PRKCZ: variants seen among roughly 807,000 people sequenced by gnomAD.
PRKCZ encodes the protein protein kinase C zeta.
In PRKCZ, 33 loss-of-function variants were observed where a neutral mutation model predicts 79.5. The ratio of observed to expected loss-of-function variants is 0.41; its 90% CI spans 0.31 to 0.55. PRKCZ has a LOEUF of 0.55. Ranked by LOEUF, PRKCZ falls within the 20% of genes least tolerant of loss-of-function variation. The pLI, the probability that PRKCZ is intolerant of heterozygous loss-of-function variation, is 0.19. For synonymous variants in PRKCZ, 342 were observed against 320.9 expected, an observed-to-expected ratio of 1.07 and a Z score of -0.70; for missense variants, 578 against 813.5, an observed-to-expected ratio of 0.71 and a Z score of 3.52.
intron 8 of PRKCZ, among the ~76,000 whole-genome samples, chr1:2,150,265 C>G (rs113720575): frequency 6.6e-6 from 1 of 152,084 alleles, no homozygotes; most frequent in Non-Finnish European, 1.5e-5. Context: ...GTGTAGCTTG[C>G]GGGAGGCAGA....
At chr1:2,086,787 A>C (rs1286397050) in intron 4 of PRKCZ, among the ~76,000 whole-genome samples, 5 of 152,158 alleles carry the variant, frequency 3.3e-5, no homozygotes, top group South Asian at 4.1e-4. Flanking sequence ...TGGGGTCTCC[A>C]TCTGCACAGC....
intron 10 of PRKCZ, among the ~76,000 whole-genome samples, chr1:2,164,641 C>G (rs1682978656): frequency 6.6e-6 from 1 of 152,222 alleles, no homozygotes. Flanking sequence ...TGAGCGTTCC[C>G]TGCACACTCT....
At chr1:2,055,848 C>T (rs762550469) in intron 2 of PRKCZ, 12 of 349,450 alleles carry the variant, frequency 3.4e-5, no homozygotes, top group Non-Finnish European at 3.6e-5. Context: ...CTTCCTCTGA[C>T]CTCCTTTCTC....
intron 4 of PRKCZ, among the ~76,000 whole-genome samples, chr1:2,118,711 C>CTG (rs1489236346): frequency 4.4e-4 from 29 of 66,176 alleles, no homozygotes; most frequent in South Asian, 3.6e-3. Context: ...ACCACACCAG[C>CTG]TCTGTGTGTG....
chr1:2,168,816 CAG>C lies in PRKCZ; in HGVS notation c.975-701_975-700del. The C allele has an allele frequency of 5.0e-6, 1 of 198,202 alleles. No homozygotes were observed. The highest frequency in any genetic ancestry group is 2.3e-5 in the African/African-American group (1 of 42,730). The allele number at this position is 198,202 out of a possible 1,614,324, so 12.3% of individuals were successfully genotyped here. On this transcript the variant is annotated intron_variant, in intron 10 of 17. Coordinates refer to ENST00000378567, the MANE Select transcript of PRKCZ (RefSeq NM_002744.6). This position sits in a 1 kb window ranked among gnomAD's most constrained non-coding sequence, Gnocchi z 4.7. Reference sequence around the variant, plus strand: ...GCCGCTGACCTAAAAAAACCCGCCACAGGGTATTTCTGGGAGATTGTATGAGA... The same window carrying C: ...GCCGCTGACCTAAAAAAACCCGCCACGGTATTTCTGGGAGATTGTATGAGA...
At position 2,169,583 on chromosome 1, in the gene PRKCZ, A is replaced by T; in HGVS notation, c.1040A>T (p.Lys347Met). The change falls in exon 11 of 18, where the codon AAG (lysine) becomes ATG (methionine). Residue 347 changes from lysine (K) to methionine (M), a missense_variant. Coordinates refer to ENST00000378567, the MANE Select transcript of PRKCZ (RefSeq NM_002744.6). ...ATGTTCCACATGCAGAGGCAGAGGA[A>T]GCTCCCTGAGGAGCACGCCAGGTGG... ...DLMFHMQRQR[K>M]LPEEHARFYA... 1 of 1,510,594 alleles carries T rather than the reference A, an allele frequency of 6.6e-7. No homozygotes were observed. The highest frequency in any genetic ancestry group is 8.9e-7 in the Non-Finnish European group (1 of 1,120,324). 93.6% of individuals were successfully genotyped at this position (1,510,594 alleles called of 1,614,324 possible).
At chr1:2,138,984 G>T (rs899091749) in intron 5 of PRKCZ, among the ~76,000 whole-genome samples, 6 of 150,634 alleles carry the variant, frequency 4.0e-5, no homozygotes, top group African/African-American at 1.5e-4. Context: ...CGGGCAGTGA[G>T]GACCAGAGGG....
intron 10 of PRKCZ, among the ~76,000 whole-genome samples, chr1:2,160,626 T>A (rs769177918): frequency 6.6e-6 from 1 of 151,992 alleles, no homozygotes; most frequent in Non-Finnish European, 1.5e-5. Context: ...GGGCAGGCAC[T>A]CGTGTGAGGA....
At chr1:2,115,230 A>G (rs1296975962) in intron 4 of PRKCZ, among the ~76,000 whole-genome samples, 3 of 152,190 alleles carry the variant, frequency 2.0e-5, no homozygotes, top group African/African-American at 7.2e-5. Flanking sequence ...GTCCGTCCCC[A>G]CTGCGGGGCT....
At position 2,094,509 on chromosome 1, in the gene PRKCZ, C is replaced by T. The variant is rs1435112705; in HGVS notation, c.334+34918C>T. 2.1e-5 allele frequency among the ~76,000 whole-genome samples: 3 copies of T among 142,898 alleles called. No individual in the cohort carries two copies. The highest frequency in any genetic ancestry group is 3.0e-5 in the Non-Finnish European group (2 of 65,968). The allele number at this position is 142,898 out of a possible 152,430, so 93.7% of individuals were successfully genotyped here. A position where few individuals can be genotyped will look rare whatever the true frequency, so the allele number is the denominator to read the frequency against. ...TCTGAGGCGCCCTCTGTGCCCGGCTCGTTGAACCTTGGGCGCTGCCCGTTC... is the reference window on the plus strand; with the variant it reads ...TCTGAGGCGCCCTCTGTGCCCGGCTTGTTGAACCTTGGGCGCTGCCCGTTC... On this transcript the variant is annotated intron_variant, in intron 4 of 17. Transcript: ENST00000378567. The surrounding 1 kb of genome is among the most constrained non-coding windows in gnomAD (Gnocchi z 7.3).
At chr1:2,130,810 C>T (rs926003787) in intron 4 of PRKCZ, among the ~76,000 whole-genome samples, 23 of 152,176 alleles carry the variant, frequency 1.5e-4, no homozygotes, top group African/African-American at 4.3e-4. Context: ...TTTGACCAGC[C>T]GTCTGGGCAC....
chr1:2,082,980 C>T lies in PRKCZ; in HGVS notation c.334+23389C>T, dbSNP rs1663845217. Among the ~76,000 whole-genome samples the T allele has an allele frequency of 6.6e-6, 1 of 152,110 alleles. No individual in the cohort carries two copies. ...CGGGCACAGGTGAAGGACAGGTGTC[C>T]ACACCTTGGGTGCCCCCGTCCTCCC... On this transcript the variant is annotated intron_variant, in intron 4 of 17. Transcript: ENST00000378567. The surrounding 1 kb of genome is among the most constrained non-coding windows in gnomAD (Gnocchi z 4.4).
At chr1:2,087,124 C>T (rs1664664446) in intron 4 of PRKCZ, among the ~76,000 whole-genome samples, 1 of 152,016 alleles carries the variant, frequency 6.6e-6, no homozygotes, top group African/African-American at 2.4e-5. Context: ...GCTCTGTCAC[C>T]CAGGCTGGAG....
intron 4 of PRKCZ, chr1:2,073,993 A>C: frequency 7.1e-7 from 1 of 1,409,722 alleles, no homozygotes; most frequent in Non-Finnish European, 9.2e-7. Flanking sequence ...GCCGTGCTGC[A>C]GGCCCTGTGC....
chr1:2,154,471 T>A (rs576008381), intron 9 of PRKCZ, among the ~76,000 whole-genome samples: 75 of 152,146 alleles, frequency 4.9e-4, no homozygotes, highest in Non-Finnish European at 1.0e-3. Context: ...TACTCACTAA[T>A]GGTTTGTTGA....
rs1672142804 is a variant in PRKCZ, at chr1:2,121,815, GTGGTGGTTAGGGT to G, written c.335-13446_335-13434del. ...GGTCACGGCGGTGGTTAGGGTCACGGTGGTGGTTAGGGTCGTGGTAGTTAGGTTCATGGTGGTG... is the reference window on the plus strand; with the variant it reads ...GGTCACGGCGGTGGTTAGGGTCACGGCGTGGTAGTTAGGTTCATGGTGGTG... On this transcript the variant is annotated intron_variant, in intron 4 of 17. Coordinates refer to ENST00000378567, the MANE Select transcript of PRKCZ (RefSeq NM_002744.6). Among the ~76,000 whole-genome samples the G allele has an allele frequency of 3.0e-5, 2 of 65,922 alleles. 1 individual carries two copies. The highest frequency in any genetic ancestry group is 1.8e-4 in the African/African-American group (2 of 11,324). 43.2% of individuals were successfully genotyped at this position (65,922 alleles called of 152,430 possible).
intron 4 of PRKCZ, among the ~76,000 whole-genome samples, chr1:2,078,822 G>C (rs373632936): frequency 2.0e-5 from 3 of 149,160 alleles, no homozygotes; most frequent in African/African-American, 4.9e-5. Flanking sequence ...CTTGTCTTTC[G>C]ATCTTTTTTC....
At chr1:2,057,290 C>T (rs775752740) in intron 3 of PRKCZ, among the ~76,000 whole-genome samples, 6 of 152,176 alleles carry the variant, frequency 3.9e-5, no homozygotes, top group South Asian at 2.1e-4. Context: ...TTTAGGTGGG[C>T]GTGGGCTCCT....
At chr1:2,051,883 C>T (rs1193848071) in intron 1 of PRKCZ, among the ~76,000 whole-genome samples, 2 of 152,188 alleles carry the variant, frequency 1.3e-5, no homozygotes, top group Admixed American at 6.5e-5. Context: ...TGCAGCTCCC[C>T]TGTGGCAAGC....
Sources: gnomAD v4.1 joint callset for allele counts (sites outside exome capture counted in the v4.1 genomes callset) on GRCh38, gnomAD v4.1.1 for gene constraint, Gnocchi (gnomAD v3.1) non-coding constraint, MANE v1.5 for transcripts, NCBI Gene and HGNC (gene_info 2026-07-23, HGNC 2026-07-21) for gene names.